UBA52: variants seen among roughly 807,000 people sequenced by gnomAD.
The protein encoded by UBA52 is ubiquitin A-52 residue ribosomal protein fusion product 1, also known as ubiquitin-ribosomal protein eL40 fusion protein.
A neutral mutation model predicts 15.3 loss-of-function variants in UBA52; 1 was observed. That is an observed-to-expected ratio of 0.07 (90% CI 0.02 to 0.31). The LOEUF (loss-of-function observed/expected upper bound fraction) is 0.31, where lower values mean the gene tolerates loss of function less well. Among genes scored for constraint, UBA52 ranks in the 10% least tolerant of loss-of-function variants. UBA52 has a pLI of 1.00. For missense variants in UBA52, 87 were observed against 168.0 expected, an observed-to-expected ratio of 0.52 and a Z score of 2.66; for synonymous variants, 50 against 58.3, an observed-to-expected ratio of 0.86 and a Z score of 0.65.
upstream of UBA52, chr19:18,568,778 G>C (rs998293827): frequency 1.6e-6 from 1 of 628,936 alleles, no homozygotes; most frequent in African/African-American, 1.8e-5. Context: ...TCTCTCCCGA[G>C]GGGTGTGGAA....
At chr19:18,565,229 A>ATTT in the UBA52 span, 3 of 1,088,142 alleles carry the variant, frequency 2.8e-6, no homozygotes, top group Non-Finnish European at 3.6e-6. Flanking sequence ...ATCGAGACAG[A>ATTT]GTTTTTTTTT....
the UBA52 span, among the ~76,000 whole-genome samples, chr19:18,565,774 G>C: frequency 6.6e-6 from 1 of 152,080 alleles, no homozygotes; most frequent in Non-Finnish European, 1.5e-5. Flanking sequence ...TGCAACCTCC[G>C]CCTCCCAGGT....
At chr19:18,573,436 T>A (rs765885070) in intron 2 of UBA52, 33 bp downstream of exon 2, 2 of 1,573,114 alleles carry the variant, frequency 1.3e-6, no homozygotes, top group East Asian at 4.5e-5. Context: ...GCTCTGGCTG[T>A]GAACTGGGAG....
chr19:18,565,330 C>T, the UBA52 span: 10 of 502,892 alleles, frequency 2.0e-5, no homozygotes, highest in East Asian at 1.0e-4. Flanking sequence ...CCCGGGCTCA[C>T]GCCATTCTCC....
At chr19:18,573,510 CCTTG>C (rs1485432211) in intron 2 of UBA52, 107 bp downstream of exon 2, 2 of 1,292,766 alleles carry the variant, frequency 1.5e-6, no homozygotes, top group African/African-American at 2.9e-5. Context: ...TCTGTTTTGC[CCTTG>C]CTTCTCCATG....
Position 18,574,802 on chromosome 19 carries a change from G to C in UBA52, c.191-68G>C. 2.5e-6 allele frequency: 4 copies of C among 1,584,660 alleles called. No homozygotes were observed. The South Asian group carries it at 4.5e-5, about 18-fold the overall frequency. On this transcript the variant is annotated intron_variant, in intron 3 of 4. Transcript: ENST00000442744. ...AAGCAGCAGACTATAGGCCCTGGAGGGTCCTGCCCCTGTGACTGAGGAGCC... is the reference window on the plus strand; with the variant it reads ...AAGCAGCAGACTATAGGCCCTGGAGCGTCCTGCCCCTGTGACTGAGGAGCC...
At chr19:18,573,095 T>C in intron 1 of UBA52, 198 bp from the exon 2 acceptor site, 2 of 1,223,802 alleles carry the variant, frequency 1.6e-6, no homozygotes, top group South Asian at 1.6e-5. Context: ...TTCCAGGACA[T>C]GTTTAGACTA....
upstream of UBA52, chr19:18,567,040 G>A (rs767921166): frequency 2.9e-5 from 34 of 1,153,666 alleles, no homozygotes; most frequent in Non-Finnish European, 4.1e-5. Context: ...GTCTCCCCTT[G>A]CCCTCAGCTG....
the UBA52 span, among the ~76,000 whole-genome samples, chr19:18,564,309 T>C: frequency 2.6e-5 from 4 of 151,896 alleles, no homozygotes; most frequent in Admixed American, 1.3e-4. Context: ...AGGAACAACC[T>C]GGGGCTAGTG....
intron 1 of UBA52, chr19:18,572,820 A>G: frequency 9.9e-7 from 1 of 1,009,062 alleles, no homozygotes; most frequent in Non-Finnish European, 1.2e-6. Flanking sequence ...AGGCTGCGAC[A>G]GGAAGGCATG....
At chr19:18,569,851 T>C (rs1975419807), upstream of UBA52, among the ~76,000 whole-genome samples, 1 of 151,972 alleles carries the variant, frequency 6.6e-6, no homozygotes, top group East Asian at 1.9e-4. Flanking sequence ...CTGGCCAACA[T>C]GGTGAAACCC....
chr19:18,565,937 C>A, the UBA52 span, among the ~76,000 whole-genome samples: 2 of 152,336 alleles, frequency 1.3e-5, no homozygotes, highest in Admixed American at 1.3e-4. Context: ...CTCTGCCTGC[C>A]TCGGCCTCCT....
chr19:18,567,645 G>T (rs12980049), upstream of UBA52, among the ~76,000 whole-genome samples: 1 of 152,184 alleles, frequency 6.6e-6, no homozygotes, highest in South Asian at 2.1e-4. Flanking sequence ...ACTTGAGTTC[G>T]CATCTGTCTG....
At chr19:18,567,159 G>T, upstream of UBA52, 2 of 1,614,174 alleles carry the variant, frequency 1.2e-6, no homozygotes, top group Non-Finnish European at 1.7e-6. Flanking sequence ...TGGCCAGGCA[G>T]CACCCAGAGG....
chr19:18,568,794 G>GT (rs902542583), upstream of UBA52: 5 of 599,656 alleles, frequency 8.3e-6, no homozygotes, highest in African/African-American at 8.0e-5. Context: ...TGGAATTCCT[G>GT]GGGGGGTCTT....
upstream of UBA52, among the ~76,000 whole-genome samples, chr19:18,566,958 G>A (rs921060028): frequency 1.3e-5 from 2 of 152,226 alleles, no homozygotes; most frequent in Admixed American, 6.5e-5. Flanking sequence ...TGTCAGGGCC[G>A]TGGCTGCTGG....
rs16982506 is a variant in UBA52 at position 18,571,905 on chromosome 19, T to G, written c.-13T>G. The G allele has an allele frequency of 6.5e-6, 1 of 152,930 alleles. No homozygotes were observed. The highest frequency in any genetic ancestry group is 2.0e-4 in the South Asian group (1 of 4,894). 9.5% of individuals were successfully genotyped at this position (152,930 alleles called of 1,614,324 possible). A position where few individuals can be genotyped will look rare whatever the true frequency, so the allele number is the denominator to read the frequency against. ...CCGAGCTGGTTGGTGGCGGCGGTCG[T>G]GCGGGTTCGCGCCGGGCCGAGAGCG... On this transcript the variant is annotated 5_prime_UTR_variant, in exon 1 of 5. Coordinates refer to ENST00000442744, the MANE Select transcript of UBA52 (RefSeq NM_001033930.3).
chr19:18,574,807 T>C (rs982962503), intron 3 of UBA52, 63 bp from the exon 4 acceptor site: 9 of 1,594,328 alleles, frequency 5.6e-6, no homozygotes, highest in Non-Finnish European at 7.7e-6. Context: ...TGGAGGGTCC[T>C]GCCCCTGTGA....
At chr19:18,564,842 A>G in the UBA52 span, 1 of 1,612,052 alleles carries the variant, frequency 6.2e-7, no homozygotes, top group Non-Finnish European at 8.5e-7. Flanking sequence ...CTGGGCAGTG[A>G]AGCTCATGCC....
Sources: gnomAD v4.1 joint callset for allele counts (sites outside exome capture counted in the v4.1 genomes callset) on GRCh38, gnomAD v4.1.1 for gene constraint, MANE v1.5 for transcripts, NCBI Gene and HGNC (gene_info 2026-07-23, HGNC 2026-07-21) for gene names.